ABCA5: variants seen among roughly 807,000 people sequenced by gnomAD.
ABCA5 encodes the protein ATP binding cassette subfamily A member 5, also known as cholesterol transporter ABCA5.
In ABCA5, 163 loss-of-function variants were observed where a neutral mutation model predicts 206.0. The observed-to-expected ratio is 0.79, with a 90% confidence interval of 0.70 to 0.90. The LOEUF (loss-of-function observed/expected upper bound fraction) is 0.90. Among genes scored for constraint, ABCA5 ranks in the 40% least tolerant of loss-of-function variants. ABCA5 has a pLI of 0.00. For synonymous variants in ABCA5, 609 were observed against 613.8 expected, an observed-to-expected ratio of 0.99 and a Z score of 0.11; for missense variants, 1,859 against 1,912.9, an observed-to-expected ratio of 0.97 and a Z score of 0.53.
chr17:69,298,254 A>AGGAAGGAC, intron 9 of ABCA5, among the ~76,000 whole-genome samples: 1 of 128,848 alleles, frequency 7.8e-6, no homozygotes, highest in Non-Finnish European at 1.7e-5. Flanking sequence ...GAAGGAAGGA[A>AGGAAGGAC]GGAAGGAAGG....
intron 9 of ABCA5, among the ~76,000 whole-genome samples, chr17:69,297,797 G>A (rs2075599562): frequency 6.6e-6 from 1 of 152,154 alleles, no homozygotes; most frequent in Non-Finnish European, 1.5e-5. Context: ...TTGAAAATAG[G>A]TAGTAACTAG....
chr17:69,270,798 ATAT>A (rs773958413), intron 21 of ABCA5, 48 bp from the exon 22 acceptor site: 1 of 1,437,404 alleles, frequency 7.0e-7, no homozygotes, highest in Non-Finnish European at 9.2e-7. Context: ...ATAAGCGGAT[ATAT>A]TATTGATATG....
Position 69,254,391 on chromosome 17 carries a change from T to G in ABCA5, c.4168A>C (p.Thr1390Pro). The change falls in exon 32 of 39, where the codon ACA (threonine) becomes CCA (proline). Residue 1390 changes from threonine (T) to proline (P), a missense_variant. Physicochemically the swap from Thr to Pro is conservative, Grantham distance 38 (BLOSUM62 -1). Coordinates refer to ENST00000392676, the MANE Select transcript of ABCA5 (RefSeq NM_172232.4). The stretch of plus-strand genomic sequence containing the variant: ...TAAATTTCAAAATGTTCCTGCAATG[T>G]AGTATCTGGCCACAAAGGGTTTATC... ...PQINPLWPDT[T>P]LQEHFEIYGA... The G allele has an allele frequency of 1.2e-6, 2 of 1,613,842 alleles. No homozygotes were observed. The highest frequency in any genetic ancestry group is 1.7e-6 in the Non-Finnish European group (2 of 1,179,842).
At chr17:69,253,890 A>C (rs1171626889) in intron 32 of ABCA5, 21 bp from the exon 33 acceptor site, 1 of 1,573,134 alleles carries the variant, frequency 6.4e-7, no homozygotes, top group African/African-American at 1.4e-5. Flanking sequence ...AACAATACAA[A>C]ATGAGAATAC....
intron 13 of ABCA5, 95 bp downstream of exon 13, chr17:69,289,761 GTTATAT>G: frequency 1.1e-6 from 1 of 907,136 alleles, no homozygotes; most frequent in Admixed American, 3.0e-5. Context: ...CAGAACAAGT[GTTATAT>G]TTAGATTTTC....
At chr17:69,260,446 C>T (rs1327310697) in intron 26 of ABCA5, 34 bp from the exon 27 acceptor site, 7 of 1,310,148 alleles carry the variant, frequency 5.3e-6, no homozygotes, top group Non-Finnish European at 6.5e-6. Flanking sequence ...ATATACGCTG[C>T]AATATGTAGA....
At chr17:69,262,402 G>A (rs1003170538) in intron 24 of ABCA5, among the ~76,000 whole-genome samples, 3 of 152,012 alleles carry the variant, frequency 2.0e-5, no homozygotes, top group African/African-American at 7.2e-5. Flanking sequence ...CCCCCGTCTA[G>A]TAGTGCCCAG....
At chr17:69,312,511 A>C (rs1348675825) in intron 3 of ABCA5, among the ~76,000 whole-genome samples, 1 of 152,220 alleles carries the variant, frequency 6.6e-6, no homozygotes, top group African/African-American at 2.4e-5. Context: ...TTCTATAAAC[A>C]AGCATGGTAA....
At chr17:69,314,706 A>T (rs2075799808) in intron 1 of ABCA5, 1 of 262,788 alleles carries the variant, frequency 3.8e-6, no homozygotes, top group South Asian at 1.4e-4. Flanking sequence ...CGAACCGCCC[A>T]CAGAGGCAGC....
chr17:69,264,912 A>G lies in ABCA5; in HGVS notation c.3145-7T>C. On this transcript the variant is annotated splice_region_variant and splice_polypyrimidine_tract_variant and intron_variant, in intron 23 of 38. Transcript: ENST00000392676. ...GTTGAGTATAAGCTTTGATCTAAAAAAAATGAAAAACAATTTATTATAATT... is the reference window on the plus strand; with the variant it reads ...GTTGAGTATAAGCTTTGATCTAAAAGAAATGAAAAACAATTTATTATAATT... The G allele has an allele frequency of 6.8e-7, 1 of 1,471,100 alleles. No homozygotes were observed. The highest frequency in any genetic ancestry group is 9.0e-7 in the Non-Finnish European group (1 of 1,110,376). The allele number at this position is 1,471,100 out of a possible 1,614,324, so 91.1% of individuals were successfully genotyped here. A position where few individuals can be genotyped will look rare whatever the true frequency, so the allele number is the denominator to read the frequency against.
intron 1 of ABCA5, among the ~76,000 whole-genome samples, chr17:69,324,501 C>T (rs2075885460): frequency 6.6e-6 from 1 of 152,170 alleles, no homozygotes; most frequent in Non-Finnish European, 1.5e-5. Context: ...ATTAGACACC[C>T]TAATTTGTGC....
chr17:69,275,775 T>C (rs979205072), intron 19 of ABCA5, among the ~76,000 whole-genome samples: 4 of 152,178 alleles, frequency 2.6e-5, no homozygotes, highest in African/African-American at 9.7e-5. Context: ...ATGATGGTAT[T>C]TGGAAATGGG....
rs373128022 is a variant in ABCA5 at position 69,294,694 on chromosome 17, T to C, written c.1456A>G (p.Thr486Ala). 34 of 1,605,172 alleles carry C rather than the reference T, an allele frequency of 2.1e-5. No homozygotes were observed. Among genetic ancestry groups the C allele is most frequent in the Non-Finnish European group, 2.8e-5 (33 of 1,173,964 alleles). The part of the protein sequence containing the change: ...EAIRISGIQK[T>A]YRKKGENVEA... ...ACATTTTCACCCTTCTTTCTGTATG[T>C]CTTCTGAATACCACTAATTCTGAAA... Residue 486 changes from threonine (T) to alanine (A), a missense_variant, in exon 11 of 39, where the codon ACA becomes GCA. Thr to Ala is a moderately conservative substitution (Grantham distance 58). Transcript: ENST00000392676.
Position 69,268,013 on chromosome 17 carries a change from G to A in ABCA5, c.3074C>T (p.Ala1025Val). 6.2e-7 allele frequency: 1 copy of A among 1,610,218 alleles called. No homozygotes were observed. The highest frequency in any genetic ancestry group is 8.5e-7 in the Non-Finnish European group (1 of 1,177,404). Reference protein sequence around the residue: ...IVFKIELYFQAALLGIIVTAM... With the variant: ...IVFKIELYFQVALLGIIVTAM... ...AGTAACAATGATTCCAAGCAAAGCT[G>A]CTTGAAAATACAGCTCAATTTTAAA... The change falls in exon 23 of 39, where the codon GCA becomes GTA. Residue 1025 changes from alanine to valine, a missense_variant. Coordinates refer to ENST00000392676, the MANE Select transcript of ABCA5 (RefSeq NM_172232.4).
chr17:69,268,091 AG>A, intron 22 of ABCA5, 35 bp from the exon 23 acceptor site: 1 of 984,842 alleles, frequency 1.0e-6, no homozygotes, highest in Non-Finnish European at 1.6e-6. Context: ...AATGGAACTG[AG>A]AATCATTTTA....
chr17:69,249,717 G>T, intron 37 of ABCA5, 188 bp downstream of exon 37: 2 of 649,602 alleles, frequency 3.1e-6, no homozygotes, highest in South Asian at 3.0e-5. Context: ...CTTCTTATCT[G>T]CCATAGTTTC....
intron 5 of ABCA5, among the ~76,000 whole-genome samples, 200 bp from the exon 6 acceptor site, chr17:69,307,154 T>C (rs1411663085): frequency 6.6e-6 from 1 of 152,034 alleles, no homozygotes; most frequent in Admixed American, 6.6e-5. Flanking sequence ...ATTCTAAAAG[T>C]ATACCATAAA....
In ABCA5 at chr17:69,303,636, A is replaced by T. The variant is rs143827956; in HGVS notation, c.931-730T>A. Among the ~76,000 whole-genome samples, 117 of 143,460 alleles carry T rather than the reference A, an allele frequency of 8.2e-4. 2 individuals carry two copies. The East Asian group carries it at 0.021, about 25-fold the overall frequency. 94.1% of individuals were successfully genotyped at this position (143,460 alleles called of 152,430 possible). ...AAAACAGTTTAAAAAGAAAAAAAAA[A>T]CCAGAAGGCCTGCTGCAGTGGCTCG... On this transcript the variant is annotated intron_variant, in intron 7 of 38. Transcript: ENST00000392676.
intron 37 of ABCA5, 78 bp from the exon 38 acceptor site, chr17:69,248,395 G>T: frequency 2.5e-6 from 2 of 799,398 alleles, no homozygotes; most frequent in Non-Finnish European, 4.0e-6. Flanking sequence ...GGCTAACAAT[G>T]TTTTAAAATA....
Sources: allele counts gnomAD v4.1 joint callset (sites outside exome capture counted in the v4.1 genomes callset), GRCh38; gene constraint gnomAD v4.1.1; transcripts MANE v1.5; gene names NCBI Gene and HGNC (gene_info 2026-07-23, HGNC 2026-07-21).